Variants in ZC3H6 observed in about 807,000 individuals in gnomAD.
ZC3H6 encodes the protein zinc finger CCCH domain-containing protein 6.
A neutral mutation model predicts 107.7 loss-of-function variants in ZC3H6; 40 were observed. The observed-to-expected ratio is 0.37, with a 90% CI of 0.29 to 0.48. The LOEUF (loss-of-function observed/expected upper bound fraction) is 0.48. Ranked by LOEUF, ZC3H6 falls within the 20% of genes least tolerant of loss-of-function variation. ZC3H6 has a pLI of 0.98. For missense variants in ZC3H6, 1,267 were observed against 1,410.4 expected (o/e 0.90, Z 1.63); for synonymous variants, 493 against 487.9 (o/e 1.01, Z -0.14).
In ZC3H6 at chr2:112,325,304, G is replaced by T. The variant is rs1676887468; in HGVS notation, c.2086+107G>T. On this transcript the variant is annotated intron_variant, in intron 11 of 11. Coordinates refer to ENST00000409871, the MANE Select transcript of ZC3H6 (RefSeq NM_198581.3). Reference sequence around the variant, plus strand: ...AGGTCAGGAGTTCGAGACCAACCTGGCCAACATGGTGAAACCCCATCTCTA... The same window carrying T: ...AGGTCAGGAGTTCGAGACCAACCTGTCCAACATGGTGAAACCCCATCTCTA... 7 of 1,025,470 alleles carry T rather than the reference G, an allele frequency of 6.8e-6. No homozygotes were observed. In the South Asian group the frequency reaches 1.1e-4, roughly 16 times the overall value. The allele number at this position is 1,025,470 out of a possible 1,614,324, so 63.5% of individuals were successfully genotyped here. A position where few individuals can be genotyped will look rare whatever the true frequency, so the allele number is the denominator to read the frequency against.
chr2:112,315,471 GA>G (rs1321420399), intron 5 of ZC3H6, among the ~76,000 whole-genome samples: 7 of 152,002 alleles, frequency 4.6e-5, no homozygotes, highest in Admixed American at 3.3e-4. Flanking sequence ...CTGCCATCCA[GA>G]GACATACACT....
chr2:112,305,494 C>G (rs375265886), intron 3 of ZC3H6, among the ~76,000 whole-genome samples: 4 of 152,108 alleles, frequency 2.6e-5, no homozygotes, highest in African/African-American at 9.7e-5. Flanking sequence ...GTTAATATTA[C>G]GCTGACTATT....
chr2:112,338,907 AT>A lies in ZC3H6; in HGVS notation c.*6420del, dbSNP rs1677192948. On this transcript the variant is annotated 3_prime_UTR_variant, in exon 12 of 12. Transcript: ENST00000409871. ...TATATATATATATATATATATATAT[AT>A]ATATAATTTTTTTTTTTTGAGACGG... is the stretch of plus-strand genomic sequence containing the variant. 1 of 81,504 alleles carries A rather than the reference AT, an allele frequency of 1.2e-5. No individual in the cohort carries two copies. The highest frequency in any genetic ancestry group is 2.6e-5 in the Non-Finnish European group (1 of 38,338). 5.0% of individuals were successfully genotyped at this position (81,504 alleles called of 1,614,324 possible).
chr2:112,276,196 G>A (rs1411445351), intron 1 of ZC3H6, among the ~76,000 whole-genome samples, 170 bp downstream of exon 1: 7 of 147,630 alleles, frequency 4.7e-5, no homozygotes, highest in African/African-American at 1.5e-4. Context: ...CCGCGGGGGA[G>A]GTCGGCCCGG....
intron 1 of ZC3H6, among the ~76,000 whole-genome samples, chr2:112,283,690 C>G (rs931480859): frequency 6.6e-6 from 1 of 152,156 alleles, no homozygotes; most frequent in Non-Finnish European, 1.5e-5. Context: ...AATAACTTGT[C>G]TAAGATGACT....
At chr2:112,300,819 G>A (rs1313363616) in intron 2 of ZC3H6, among the ~76,000 whole-genome samples, 1 of 152,126 alleles carries the variant, frequency 6.6e-6, no homozygotes, top group South Asian at 2.1e-4. Context: ...TTTGGGGTAG[G>A]GAAGAAGGGG....
In ZC3H6 at chr2:112,308,404, T is replaced by TTTTATTTATTTATTTATTTA. The variant is rs370414380; in HGVS notation, c.337-1461_337-1442dup. On this transcript the variant is annotated intron_variant, in intron 3 of 11. Coordinates refer to ENST00000409871, the MANE Select transcript of ZC3H6 (RefSeq NM_198581.3). ...TTTGCCAGAGTAGTATTTTATTTTA[T>TTTTATTTATTTATTTATTTA]TTTATTTATTTATTTATTTATTTAT... Among the ~76,000 whole-genome samples, 178 of 138,306 alleles carry TTTTATTTATTTATTTATTTA rather than the reference T, an allele frequency of 1.3e-3. 1 individual carries two copies. The highest frequency in any genetic ancestry group is 4.7e-3 in the African/African-American group (170 of 36,296). 90.7% of individuals were successfully genotyped at this position (138,306 alleles called of 152,430 possible).
chr2:112,332,252 G>A lies in ZC3H6; in HGVS notation c.3334G>A (p.Asp1112Asn). ...NVGVTLEGPA[D>N]PQADVPRSSG... Reference sequence around the variant, plus strand: ...GGGAGTCACTCTTGAGGGGCCAGCTGACCCACAGGCGGACGTTCCCAGGAG... The same window carrying A: ...GGGAGTCACTCTTGAGGGGCCAGCTAACCCACAGGCGGACGTTCCCAGGAG... The change falls in exon 12 of 12, where the codon GAC becomes AAC. Residue 1112 changes from aspartate (D) to asparagine (N), a missense_variant. Transcript: ENST00000409871. 1 of 1,613,944 alleles carries A rather than the reference G, an allele frequency of 6.2e-7. No individual in the cohort carries two copies. The highest frequency in any genetic ancestry group is 8.5e-7 in the Non-Finnish European group (1 of 1,179,868).
rs746466517 is a variant in ZC3H6 at position 112,338,860 on chromosome 2, TATATATATATATATATATATATATA to T, written c.*6373_*6397del. On this transcript the variant is annotated 3_prime_UTR_variant, in exon 12 of 12. Transcript: ENST00000409871. ...ATATATGTATGTATATGTGTGTATA[TATATATATATATATATATATATATA>T]TATATATATATATATATATATATAT... 1,015 of 2,854 alleles carry T rather than the reference TATATATATATATATATATATATATA, an allele frequency of 0.36. 39 individuals carry two copies. The highest frequency in any genetic ancestry group is 0.37 in the Admixed American group (61 of 166). 0.2% of individuals were successfully genotyped at this position (2,854 alleles called of 1,614,324 possible).
Position 112,325,926 on chromosome 2 carries a change from C to A in ZC3H6, c.2086+729C>A, listed in dbSNP as rs989037035. Among the ~76,000 whole-genome samples, 11 of 152,140 alleles carry A rather than the reference C, an allele frequency of 7.2e-5. No homozygotes were observed. The East Asian group carries it at 1.9e-3, about 27-fold the overall frequency. Reference sequence around the variant, plus strand: ...AGTAAAGGATGAGAAAAGTTTAAAGCATCCAGTTCTGTTTATGAATTACAA... The same window carrying A: ...AGTAAAGGATGAGAAAAGTTTAAAGAATCCAGTTCTGTTTATGAATTACAA... On this transcript the variant is annotated intron_variant, in intron 11 of 11. Coordinates refer to ENST00000409871, the MANE Select transcript of ZC3H6 (RefSeq NM_198581.3).
In ZC3H6 at chr2:112,325,088, C is replaced by A. The variant is rs1339620724; in HGVS notation, c.1977C>A (p.Gly659=). 14 of 1,613,990 alleles carry A rather than the reference C, an allele frequency of 8.7e-6. No homozygotes were observed. In the South Asian group the frequency reaches 1.4e-4, roughly 16 times the overall value. Residue 659 remains glycine (G), a synonymous_variant, in exon 11 of 12, where the codon GGC becomes GGA. Transcript: ENST00000409871. ...RTGHGPLPVP[G]LLPAVQRALF... ...GCCATGGCCCTCTGCCTGTACCAGG[C>A]CTCCTCCCTGCAGTGCAAAGAGCTC...
At chr2:112,276,079 G>A (rs1247234702) in intron 1 of ZC3H6, 53 bp downstream of exon 1, 3 of 1,517,288 alleles carry the variant, frequency 2.0e-6, no homozygotes, top group African/African-American at 1.4e-5. Context: ...GGGGTCTGGG[G>A]CGGCGGGAGC....
At chr2:112,276,998 T>G (rs1436002012) in intron 1 of ZC3H6, among the ~76,000 whole-genome samples, 1 of 139,968 alleles carries the variant, frequency 7.1e-6, no homozygotes, top group Non-Finnish European at 1.5e-5. Flanking sequence ...CTATATACAT[T>G]GCTGAAGTTT....
chr2:112,276,366 G>T lies in ZC3H6; in HGVS notation c.32+340G>T, dbSNP rs1250895463. 5.9e-5 allele frequency among the ~76,000 whole-genome samples: 9 copies of T among 151,874 alleles called. No homozygotes were observed. In the East Asian group the frequency reaches 1.6e-3, roughly 26 times the overall value. On this transcript the variant is annotated intron_variant, in intron 1 of 11. Coordinates refer to ENST00000409871, the MANE Select transcript of ZC3H6 (RefSeq NM_198581.3). The stretch of plus-strand genomic sequence containing the variant: ...TGAGGTCCTGCTTCTGCCCGTCCAG[G>T]TGTCGGTGCTCCCGGCCAGATAGGA...
chr2:112,337,278 C>G lies in ZC3H6; in HGVS notation c.*4790C>G, dbSNP rs1274333084. ...AGGTCTGCAGGATTTTTTCTGTAAC[C>G]AGAAAAGTAACTGCATAGCCATTCT... On this transcript the variant is annotated 3_prime_UTR_variant, in exon 12 of 12. Transcript: ENST00000409871. The G allele has an allele frequency of 1.3e-5, 2 of 151,646 alleles. No homozygotes were observed. Among genetic ancestry groups the G allele is most frequent in the African/African-American group, 2.4e-5 (1 of 41,302 alleles). The allele number at this position is 151,646 out of a possible 1,614,324, so 9.4% of individuals were successfully genotyped here.
At position 112,337,815 on chromosome 2, in the gene ZC3H6, T is replaced by G. The variant is rs1296010476; in HGVS notation, c.*5327T>G. 1 of 152,128 alleles carries G rather than the reference T, an allele frequency of 6.6e-6. No individual in the cohort carries two copies. The highest frequency in any genetic ancestry group is 2.4e-5 in the African/African-American group (1 of 41,376). 9.4% of individuals were successfully genotyped at this position (152,128 alleles called of 1,614,324 possible). ...TTGTATTTTTTTGGTAGAGACAGGGTTTGACCATGTTGGCCAAGCTGATCT... is the reference window on the plus strand; with the variant it reads ...TTGTATTTTTTTGGTAGAGACAGGGGTTGACCATGTTGGCCAAGCTGATCT... On this transcript the variant is annotated 3_prime_UTR_variant, in exon 12 of 12. Transcript: ENST00000409871.
chr2:112,302,045 T>A (rs4450607), intron 2 of ZC3H6, among the ~76,000 whole-genome samples: 6 of 151,682 alleles, frequency 4.0e-5, no homozygotes, highest in East Asian at 1.9e-4. Context: ...TCAAAAAGTC[T>A]GAGACTTTTT....
At chr2:112,278,473 A>G (rs1457441010) in intron 1 of ZC3H6, among the ~76,000 whole-genome samples, 1 of 152,038 alleles carries the variant, frequency 6.6e-6, no homozygotes, top group Non-Finnish European at 1.5e-5. Context: ...ACCCGCCACC[A>G]CACCTGGCTA....
rs535960361 is a variant in ZC3H6 at position 112,322,340 on chromosome 2, G to A, written c.1087-309G>A. ...CCTTGCCAACCCCCTGCCCTGCACCGCCCCCCACCCCTGCCCCTGGGGTCA... is the reference window on the plus strand; with the variant it reads ...CCTTGCCAACCCCCTGCCCTGCACCACCCCCCACCCCTGCCCCTGGGGTCA... On this transcript the variant is annotated intron_variant, in intron 8 of 11. Transcript: ENST00000409871. Among the ~76,000 whole-genome samples the A allele has an allele frequency of 2.4e-4, 35 of 145,710 alleles. No individual in the cohort carries two copies. In the East Asian group the frequency reaches 6.9e-3, roughly 29 times the overall value.
Sources: allele counts gnomAD v4.1 joint callset (sites outside exome capture counted in the v4.1 genomes callset), GRCh38; gene constraint gnomAD v4.1.1; transcripts MANE v1.5; gene names NCBI Gene and HGNC (gene_info 2026-07-23, HGNC 2026-07-21).